Variants in FRMPD1 observed in about 807,000 individuals in gnomAD.
FRMPD1 encodes the protein FERM and PDZ domain-containing protein 1.
Under a neutral mutation model 117.8 loss-of-function variants are expected in FRMPD1, and 76 were observed. The observed-to-expected ratio is 0.65, with a 90% confidence interval of 0.54 to 0.78. FRMPD1 has a LOEUF of 0.78. FRMPD1 is among the 30% of genes least tolerant of loss of function. The pLI, the probability that FRMPD1 is intolerant of heterozygous loss-of-function variation, is 0.00. For synonymous variants in FRMPD1, 783 were observed against 770.4 expected (o/e 1.02, Z -0.27); for missense variants, 1,786 against 1,964.5 (o/e 0.91, Z 1.72).
chr9:37,715,676 A>T (rs1452340061), intron 5 of FRMPD1: 1 of 456,296 alleles, frequency 2.2e-6, no homozygotes, highest in Admixed American at 2.3e-5. Context: ...AGATGGCTGA[A>T]GTGGGTGTAA....
At chr9:37,744,176 A>C (rs56124644) in intron 15 of FRMPD1, among the ~76,000 whole-genome samples, 29,784 of 151,896 alleles carry the variant, frequency 0.2, 3,047 homozygotes, top group African/African-American at 0.23. Context: ...GGTGACAGAA[A>C]GAGACTCCGT....
intron 1 of FRMPD1, among the ~76,000 whole-genome samples, chr9:37,664,481 C>T (rs956843675): frequency 1.3e-5 from 2 of 151,972 alleles, no homozygotes; most frequent in Non-Finnish European, 2.9e-5. Flanking sequence ...CTTACCCCAC[C>T]CCCGACAGGC....
the FRMPD1 span, among the ~76,000 whole-genome samples, chr9:37,635,884 A>G: frequency 5.3e-5 from 8 of 152,122 alleles, no homozygotes; most frequent in Non-Finnish European, 8.8e-5. Context: ...CCTCGGGGAA[A>G]GGGAGGAGGT....
chr9:37,687,065 C>T (rs1044968522), intron 1 of FRMPD1, among the ~76,000 whole-genome samples: 5 of 152,198 alleles, frequency 3.3e-5, no homozygotes, highest in East Asian at 3.8e-4. Context: ...TGTCCCTCTA[C>T]GTCATCCTCG....
At chr9:37,736,032 A>T (rs939692819) in intron 13 of FRMPD1, among the ~76,000 whole-genome samples, 10 of 145,608 alleles carry the variant, frequency 6.9e-5, no homozygotes, top group African/African-American at 2.6e-4. Flanking sequence ...ACAGAGTCTC[A>T]CTCTGTTGCC....
At chr9:37,739,626 C>A (rs1824287580) in intron 14 of FRMPD1, among the ~76,000 whole-genome samples, 1 of 152,156 alleles carries the variant, frequency 6.6e-6, no homozygotes, top group South Asian at 2.1e-4. Flanking sequence ...GGCCCCACTT[C>A]TAGCGATCTG....
intron 1 of FRMPD1, among the ~76,000 whole-genome samples, chr9:37,682,825 AC>A (rs1332104970): frequency 1.3e-5 from 2 of 152,198 alleles, no homozygotes; most frequent in African/African-American, 4.8e-5. Flanking sequence ...GGAAAGGAGG[AC>A]AGAAGGGTGA....
rs1207882756 is a variant in FRMPD1, at chr9:37,745,576, C to G, written c.3544C>G (p.Gln1182Glu). 2 of 1,614,100 alleles carry G rather than the reference C, an allele frequency of 1.2e-6. No individual in the cohort carries two copies. The highest frequency in any genetic ancestry group is 1.3e-5 in the African/African-American group (1 of 75,046). The change falls in exon 16 of 16, where the codon CAA becomes GAA. Residue 1182 changes from glutamine (Q) to glutamate (E), a missense_variant. Gln to Glu is a conservative substitution (Grantham distance 29, BLOSUM62 2). Transcript: ENST00000377765. ...QIPPHPPRDP[Q>E]GQSREPPGQG... The stretch of plus-strand genomic sequence containing the variant: ...CCCACCACATCCCCCTAGAGACCCT[C>G]AAGGACAGAGCAGAGAACCCCCAGG...
rs541524566 is a variant in FRMPD1, at chr9:37,710,129, A to T, written c.363-1221A>T. Reference sequence around the variant, plus strand: ...ACATCTCAAATTCCTCCAAATAGCTATGAGGCCAGTATGTCCTTTTAGAGC... The same window carrying T: ...ACATCTCAAATTCCTCCAAATAGCTTTGAGGCCAGTATGTCCTTTTAGAGC... On this transcript the variant is annotated intron_variant, in intron 4 of 15. Transcript: ENST00000377765. 3.3e-5 allele frequency among the ~76,000 whole-genome samples: 5 copies of T among 152,356 alleles called. No individual in the cohort carries two copies. In the South Asian group the frequency reaches 1.0e-3, roughly 32 times the overall value.
intron 1 of FRMPD1, among the ~76,000 whole-genome samples, chr9:37,655,356 T>G (rs1820807981): frequency 6.6e-6 from 1 of 152,116 alleles, no homozygotes; most frequent in Admixed American, 6.5e-5. Flanking sequence ...GTGGCTCTGA[T>G]CTCATCATGC....
Position 37,652,631 on chromosome 9 carries a change from A to G in FRMPD1, c.-5+1537A>G, listed in dbSNP as rs537656792. On this transcript the variant is annotated intron_variant, in intron 1 of 15. Coordinates refer to ENST00000377765, the MANE Select transcript of FRMPD1 (RefSeq NM_014907.3). ...GTGGTACCTAAGTTTGTCTTTCCTG[A>G]ATGAGACCCCATCCTTGAAGCTAAT... is the stretch of plus-strand genomic sequence containing the variant. Among the ~76,000 whole-genome samples, 10 of 152,290 alleles carry G rather than the reference A, an allele frequency of 6.6e-5. No individual in the cohort carries two copies. The East Asian group carries it at 1.9e-3, about 29-fold the overall frequency.
chr9:37,622,606 C>T, the FRMPD1 span, among the ~76,000 whole-genome samples: 1 of 152,208 alleles, frequency 6.6e-6, no homozygotes, highest in Non-Finnish European at 1.5e-5. Context: ...TCCAGCCTGG[C>T]CTGAGCCTTT....
the FRMPD1 span, among the ~76,000 whole-genome samples, chr9:37,638,417 A>C: frequency 6.6e-6 from 1 of 152,024 alleles, no homozygotes; most frequent in Non-Finnish European, 1.5e-5. Flanking sequence ...TGGGTAGTCC[A>C]TGTCTCTGTG....
chr9:37,689,614 T>C (rs1322267219), intron 1 of FRMPD1, among the ~76,000 whole-genome samples: 1 of 152,194 alleles, frequency 6.6e-6, no homozygotes, highest in East Asian at 1.9e-4. Flanking sequence ...TTGCCTCTTA[T>C]CTATATTCCA....
Position 37,745,390 on chromosome 9 carries a change from A to C in FRMPD1, c.3358A>C (p.Asn1120His), listed in dbSNP as rs900178663. 1.2e-6 allele frequency: 2 copies of C among 1,614,022 alleles called. No individual in the cohort carries two copies. Among genetic ancestry groups the C allele is most frequent in the Non-Finnish European group, 1.7e-6 (2 of 1,179,990 alleles). ...LERDREVTNK[N>H]GTNVFQEESR... ...AAGAGACAGAGAAGTTACAAACAAAAATGGCACCAACGTATTTCAGGAGGA... is the reference window on the plus strand; with the variant it reads ...AAGAGACAGAGAAGTTACAAACAAACATGGCACCAACGTATTTCAGGAGGA... The change falls in exon 16 of 16, where the codon AAT (asparagine) becomes CAT (histidine). Residue 1120 changes from asparagine to histidine, a missense_variant. Coordinates refer to ENST00000377765, the MANE Select transcript of FRMPD1 (RefSeq NM_014907.3).
intron 14 of FRMPD1, among the ~76,000 whole-genome samples, chr9:37,739,181 G>A (rs1188340369): frequency 6.6e-6 from 1 of 152,124 alleles, no homozygotes; most frequent in Non-Finnish European, 1.5e-5. Context: ...CCTGGGAGAG[G>A]GGGAAGAGCC....
chr9:37,737,396 T>C (rs1183011421), intron 14 of FRMPD1, among the ~76,000 whole-genome samples, 153 bp downstream of exon 14: 1 of 152,212 alleles, frequency 6.6e-6, no homozygotes, highest in African/African-American at 2.4e-5. Flanking sequence ...TAGTAAACAA[T>C]TGATCTTTCA....
chr9:37,735,385 G>T (rs992381302), intron 12 of FRMPD1, among the ~76,000 whole-genome samples, 167 bp from the exon 13 acceptor site: 1 of 152,218 alleles, frequency 6.6e-6, no homozygotes, highest in African/African-American at 2.4e-5. Context: ...TTTACACTTT[G>T]ATTTAGCTGT....
At chr9:37,704,813 T>G (rs1209066176) in intron 2 of FRMPD1, among the ~76,000 whole-genome samples, 2 of 152,010 alleles carry the variant, frequency 1.3e-5, no homozygotes, top group African/African-American at 4.8e-5. Context: ...ATTAAATCTC[T>G]ATTTAATTTA....
Sources: gnomAD v4.1 joint callset for allele counts (sites outside exome capture counted in the v4.1 genomes callset) on GRCh38, gnomAD v4.1.1 for gene constraint, MANE v1.5 for transcripts, NCBI Gene and HGNC (gene_info 2026-07-23, HGNC 2026-07-21) for gene names.